Variants in ZMYM3 observed in about 807,000 individuals in gnomAD.
The protein encoded by ZMYM3 is zinc finger MYM-type containing 3.
A neutral mutation model predicts 94.2 loss-of-function variants in ZMYM3; 6 were observed. That is an observed-to-expected ratio of 0.06 (90% CI 0.03 to 0.13). ZMYM3 has a LOEUF of 0.13. Among genes scored for constraint, ZMYM3 ranks in the 10% least tolerant of loss-of-function variants. ZMYM3 has a pLI of 1.00. For synonymous variants in ZMYM3, 420 were observed against 426.5 expected (o/e 0.98, Z 0.19); for missense variants, 664 against 1,132.6 (o/e 0.59, Z 5.94).
chrX:71,248,381 G>A lies in ZMYM3; in HGVS notation c.1824+57C>T. The stretch of plus-strand genomic sequence containing the variant: ...GGCCCCAGCAGGGGCCAAGTGGAAG[G>A]ACCCCTTCAGACAGTCTGGTCGTGT... On this transcript the variant is annotated intron_variant, in intron 10 of 24. Coordinates refer to ENST00000314425, the MANE Select transcript of ZMYM3 (RefSeq NM_201599.3). 2.5e-6 allele frequency: 3 copies of A among 1,190,401 alleles called. No individual in the cohort carries two copies. In the South Asian group the frequency reaches 5.5e-5, roughly 22 times the overall value.
In ZMYM3 at chrX:71,250,397, C is replaced by G. The variant is rs1291853692; in HGVS notation, c.1073+35G>C. On this transcript the variant is annotated intron_variant, in intron 5 of 24. Transcript: ENST00000314425. ...CTTACTCATACTCCTGCCCAGATCCCTGCCCTCTGCATAGCCCCCAAGACC... is the reference window on the plus strand; with the variant it reads ...CTTACTCATACTCCTGCCCAGATCCGTGCCCTCTGCATAGCCCCCAAGACC... 9 of 1,171,428 alleles carry G rather than the reference C, an allele frequency of 7.7e-6. No individual in the cohort carries two copies. In the Admixed American group the frequency reaches 1.7e-4, roughly 22 times the overall value.
chrX:71,242,495 T>C (rs2029989853), intron 22 of ZMYM3, 71 bp from the exon 23 acceptor site: 2 of 1,150,473 alleles, frequency 1.7e-6, no homozygotes, highest in African/African-American at 3.5e-5. Context: ...TCCCATCCCA[T>C]GTGCCCTGCT....
At position 71,240,770 on chromosome X, in the gene ZMYM3, C is replaced by T; in HGVS notation, c.*146G>A. 1 of 577,587 alleles carries T rather than the reference C, an allele frequency of 1.7e-6. No individual in the cohort carries two copies. The allele number at this position is 577,587 out of a possible 1,213,427, so 47.6% of individuals were successfully genotyped here. A position where few individuals can be genotyped will look rare whatever the true frequency, so the allele number is the denominator to read the frequency against. ...CGGAAGAAGATAAAAGCCAGGGTTC[C>T]TAGAGAAGGCAGGGAATGGGTGAGC... On this transcript the variant is annotated 3_prime_UTR_variant, in exon 25 of 25. Transcript: ENST00000314425.
chrX:71,250,000 AAT>A (rs1480386068), intron 6 of ZMYM3, 24 bp downstream of exon 6: 1 of 1,152,721 alleles, frequency 8.7e-7, no homozygotes, highest in African/African-American at 1.8e-5. Flanking sequence ...AGGCTCTGTA[AAT>A]CAGCCCCCAC....
chrX:71,247,226 C>G, intron 13 of ZMYM3, 119 bp downstream of exon 13: 1 of 686,921 alleles, frequency 1.5e-6, no homozygotes. Flanking sequence ...GTTCACAGTA[C>G]TAGCACCCTA....
chrX:71,244,722 T>G, intron 19 of ZMYM3, 68 bp downstream of exon 19: 1 of 978,053 alleles, frequency 1.0e-6, no homozygotes. Flanking sequence ...GTTGCTGGCT[T>G]GGCTCTCGCA....
At position 71,252,570 on chromosome X, in the gene ZMYM3, A is replaced by G. The variant is rs1331283224; in HGVS notation, c.667+19T>C. 1 of 1,133,600 alleles carries G rather than the reference A, an allele frequency of 8.8e-7. No individual in the cohort carries two copies. The highest frequency in any genetic ancestry group is 1.2e-6 in the Non-Finnish European group (1 of 858,462). The allele number at this position is 1,133,600 out of a possible 1,213,427, so 93.4% of individuals were successfully genotyped here. A position where few individuals can be genotyped will look rare whatever the true frequency, so the allele number is the denominator to read the frequency against. On this transcript the variant is annotated intron_variant, in intron 2 of 24. Transcript: ENST00000314425. ...CACCCTCTCCCAGCCCTGATTCTCC[A>G]GATAATTAGGCAACCTACCTGGCAA... is the stretch of plus-strand genomic sequence containing the variant.
Position 71,240,895 on chromosome X carries a change from G to A in ZMYM3, c.*21C>T. ...CAGGACAGACATTGATGTGAAAGAT[G>A]GATATGGATGGCACACGAGCTCAGT... On this transcript the variant is annotated 3_prime_UTR_variant, in exon 25 of 25. Transcript: ENST00000314425. 3 of 1,199,773 alleles carry A rather than the reference G, an allele frequency of 2.5e-6. No homozygotes were observed. Among genetic ancestry groups the A allele is most frequent in the South Asian group, 3.6e-5 (2 of 55,855 alleles).
chrX:71,252,901 G>C lies in ZMYM3; in HGVS notation c.355C>G (p.Gln119Glu). Residue 119 changes from glutamine (Q) to glutamate (E), a missense_variant, in exon 2 of 25, where the codon CAG becomes GAG. Physicochemically the swap from Gln to Glu is conservative, Grantham distance 29. This residue lies in a region of ZMYM3 where 196 missense variants were observed against 190.8 expected (regional missense o/e 1.03). Transcript: ENST00000314425. Reference protein sequence around the residue: ...DQTLEPGPGGQTPEVVPPDPG... With the variant: ...DQTLEPGPGGETPEVVPPDPG... The stretch of plus-strand genomic sequence containing the variant: ...TCAGGTGGTACCACCTCAGGGGTCT[G>C]GCCCCCTGGTCCAGGCTCTAGGGTC... The C allele has an allele frequency of 6.6e-6, 8 of 1,210,698 alleles. No individual in the cohort carries two copies. The highest frequency in any genetic ancestry group is 1.8e-5 in the South Asian group (1 of 56,763).
At chrX:71,251,528 C>G (rs765162661) in intron 3 of ZMYM3, 30 bp downstream of exon 3, 30 of 1,174,921 alleles carry the variant, frequency 2.6e-5, no homozygotes, top group Middle Eastern at 2.3e-4. Context: ...TAAGGGGGAA[C>G]CAGACTCCTT....
chrX:71,247,604 A>C (rs1203833875), intron 12 of ZMYM3, 94 bp from the exon 13 acceptor site: 1 of 1,144,346 alleles, frequency 8.7e-7, no homozygotes, highest in East Asian at 3.1e-5. Flanking sequence ...CCCCTTGGAG[A>C]TCGGGCCAGC....
chrX:71,243,664 C>T, intron 21 of ZMYM3, 165 bp downstream of exon 21: 1 of 566,117 alleles, frequency 1.8e-6, no homozygotes, highest in Non-Finnish European at 2.7e-6. Context: ...CTTTGTTGCC[C>T]AGGCTGGTCT....
intron 20 of ZMYM3, 75 bp downstream of exon 20, chrX:71,244,227 G>C: frequency 1.7e-6 from 2 of 1,144,754 alleles, no homozygotes; most frequent in Non-Finnish European, 2.3e-6. Context: ...TGAATCACAG[G>C]CCCAGCCCCT....
chrX:71,249,065 G>A lies in ZMYM3; in HGVS notation c.1575C>T (p.Ser525=), dbSNP rs749267858. Residue 525 remains serine (S), a synonymous_variant, in exon 8 of 25, where the codon TCC becomes TCT. Coordinates refer to ENST00000314425, the MANE Select transcript of ZMYM3 (RefSeq NM_201599.3). ...DRNGKTSLFC[S]LCCTTSYKVK... ...CTTTGTAAGAAGTGGTACAGCACAG[G>A]GAACAGAACAAGCTGGTCTTGCCAT... 1.2e-5 allele frequency: 14 copies of A among 1,209,580 alleles called. No individual in the cohort carries two copies. The African/African-American group carries it at 1.6e-4, about 14-fold the overall frequency.
At chrX:71,243,121 T>C in intron 21 of ZMYM3, 37 bp from the exon 22 acceptor site, 3 of 1,080,222 alleles carry the variant, frequency 2.8e-6, no homozygotes, top group Non-Finnish European at 3.9e-6. Flanking sequence ...AAGGCTAGAC[T>C]GTAGGTCCTA....
Position 71,247,902 on chromosome X carries a change from A to G in ZMYM3, c.1980T>C (p.Cys660=). ...TGAAGTCCTGTTTGTACAGCAGCAC[A>G]CAGCCTGGAAAGAGGAGAAGAGGAA... ...GVEKSFCSEG[C]VLLYKQDFTK... The change falls in exon 12 of 25, where the codon TGT becomes TGC. Residue 660 remains cysteine (C), a synonymous_variant. Transcript: ENST00000314425. 1 of 1,189,734 alleles carries G rather than the reference A, an allele frequency of 8.4e-7. No homozygotes were observed. Among genetic ancestry groups the G allele is most frequent in the South Asian group, 1.9e-5 (1 of 53,630 alleles).
intron 1 of ZMYM3, 22 bp from the exon 2 acceptor site, chrX:71,253,296 G>C (rs756465804): frequency 3.4e-5 from 37 of 1,088,478 alleles, no homozygotes; most frequent in Non-Finnish European, 4.4e-5. Context: ...GAGTAGAAGA[G>C]GGGGCAGTAG....
intron 22 of ZMYM3, 99 bp downstream of exon 22, chrX:71,242,871 T>C (rs939420697): frequency 2.4e-6 from 2 of 836,274 alleles, no homozygotes; most frequent in African/African-American, 2.0e-5. Flanking sequence ...CCTCGGGCCC[T>C]TTGTGAAGAG....
In ZMYM3 at chrX:71,247,270, G is replaced by T. The variant is rs1009909356; in HGVS notation, c.2314+75C>A. The T allele has an allele frequency of 3.5e-5, 36 of 1,017,180 alleles. 1 individual carries two copies. The African/African-American group carries it at 5.9e-4, about 17-fold the overall frequency. 83.8% of individuals were successfully genotyped at this position (1,017,180 alleles called of 1,213,427 possible). ...GGGGTGAGCTGAACGCAAGAGGAAG[G>T]AGAAAGGGGCTAGGCTTAGGATTAG... On this transcript the variant is annotated intron_variant, in intron 13 of 24. Transcript: ENST00000314425.
Sources: allele counts gnomAD v4.1 joint callset, GRCh38; gene constraint gnomAD v4.1.1; regional missense constraint gnomAD v4.1.1; transcripts MANE v1.5; gene names NCBI Gene and HGNC (gene_info 2026-07-23, HGNC 2026-07-21).